The following LARS1 variants were observed in gnomAD, a reference collection of about 807,000 sequenced individuals.
The protein encoded by LARS1 is leucine--tRNA ligase, cytoplasmic.
A neutral mutation model predicts 162.8 loss-of-function variants in LARS1; 100 were observed. The observed-to-expected ratio is 0.61, with a 90% CI of 0.52 to 0.73. The LOEUF is 0.73. Ranked by LOEUF, LARS1 falls within the 30% of genes least tolerant of loss-of-function variation. LARS1 has a pLI of 0.00. For missense variants in LARS1, 1,258 were observed against 1,408.9 expected (o/e 0.89, Z 1.71); for synonymous variants, 457 against 462.8 (o/e 0.99, Z 0.16).
At chr5:146,171,873 TAA>T in intron 4 of LARS1, 35 bp downstream of exon 4, 3 of 1,510,226 alleles carry the variant, frequency 2.0e-6, no homozygotes, top group Admixed American at 3.6e-5. Flanking sequence ...TTGCTCCAAC[TAA>T]AAAGAGTAGA....
At chr5:146,176,705 T>G (rs561293168) in intron 2 of LARS1, among the ~76,000 whole-genome samples, 2 of 152,306 alleles carry the variant, frequency 1.3e-5, no homozygotes, top group South Asian at 4.1e-4. Context: ...ATTTTGTTTT[T>G]GTTTTTCCCA....
intron 21 of LARS1, chr5:146,137,661 C>T (rs898365367): frequency 5.4e-6 from 1 of 184,644 alleles, no homozygotes; most frequent in Non-Finnish European, 1.1e-5. Context: ...CAAAAAGCAC[C>T]GAGTCATTTT....
Position 146,153,913 on chromosome 5 carries a change from A to G in LARS1, c.1133T>C (p.Leu378Pro). Reference protein sequence around the residue: ...SYKVIYVLPMLTIKEDKGTGV... With the variant: ...SYKVIYVLPMPTIKEDKGTGV... ...TTTACCTTTATCCTCCTTAATAGTT[A>G]GCATTGGGAGAACATAGATCACCTT... The change falls in exon 11 of 32, where the codon CTA becomes CCA. Residue 378 changes from leucine (L) to proline (P), a missense_variant. By Grantham distance (98) the Leu-to-Pro change is moderately conservative. Coordinates refer to ENST00000394434, the MANE Select transcript of LARS1 (RefSeq NM_020117.11). The G allele has an allele frequency of 1.2e-6, 2 of 1,611,774 alleles. No individual in the cohort carries two copies. The highest frequency in any genetic ancestry group is 1.7e-6 in the Non-Finnish European group (2 of 1,178,604).
At position 146,114,022 on chromosome 5, in the gene LARS1, T is replaced by G. The variant is rs1044791209; in HGVS notation, c.*84A>C. On this transcript the variant is annotated 3_prime_UTR_variant, in exon 32 of 32. Transcript: ENST00000394434. ...GAAATCAATCTATTTAGGTCCAGCCTAAGGTTCTGATAGCCAATCAGTAGA... is the reference window on the plus strand; with the variant it reads ...GAAATCAATCTATTTAGGTCCAGCCGAAGGTTCTGATAGCCAATCAGTAGA... 1.4e-5 allele frequency: 14 copies of G among 1,017,306 alleles called. No individual in the cohort carries two copies. Among genetic ancestry groups the G allele is most frequent in the Non-Finnish European group, 2.2e-5 (14 of 643,790 alleles). The allele number at this position is 1,017,306 out of a possible 1,614,324, so 63.0% of individuals were successfully genotyped here.
intron 2 of LARS1, among the ~76,000 whole-genome samples, chr5:146,176,885 C>T (rs570049619): frequency 6.6e-6 from 1 of 152,072 alleles, no homozygotes; most frequent in East Asian, 1.9e-4. Context: ...AGATAATAAT[C>T]GTCTATGAGT....
chr5:146,172,254 A>G (rs958316105), intron 3 of LARS1, among the ~76,000 whole-genome samples: 2 of 152,218 alleles, frequency 1.3e-5, no homozygotes, highest in Non-Finnish European at 2.9e-5. Flanking sequence ...ACGGTGGCTC[A>G]TGCCTATAAT....
intron 4 of LARS1, 46 bp from the exon 5 acceptor site, chr5:146,168,311 A>G (rs773069849): frequency 3.8e-6 from 6 of 1,558,484 alleles, no homozygotes; most frequent in Non-Finnish European, 5.2e-6. Flanking sequence ...CAAGGTAGAC[A>G]CAATTTCAGT....
chr5:146,154,584 C>A (rs1414430479), intron 10 of LARS1, among the ~76,000 whole-genome samples: 2 of 152,046 alleles, frequency 1.3e-5, no homozygotes, highest in Non-Finnish European at 1.5e-5. Flanking sequence ...TCGCGACCAG[C>A]CTGGGCAACA....
chr5:146,139,453 T>A (rs1752664516), intron 21 of LARS1, among the ~76,000 whole-genome samples: 1 of 152,066 alleles, frequency 6.6e-6, no homozygotes, highest in South Asian at 2.1e-4. Flanking sequence ...TCTTTTTCTC[T>A]CTTTACTTCA....
intron 15 of LARS1, among the ~76,000 whole-genome samples, chr5:146,147,100 C>T (rs1045638175): frequency 9.2e-5 from 14 of 152,184 alleles, no homozygotes; most frequent in South Asian, 2.1e-4. Context: ...ACTTAACAAC[C>T]GGGAGTCGCC....
chr5:146,159,757 A>C (rs1753694663), intron 7 of LARS1, among the ~76,000 whole-genome samples: 1 of 152,050 alleles, frequency 6.6e-6, no homozygotes, highest in African/African-American at 2.4e-5. Context: ...AACAAATGAA[A>C]CTATCAGGAA....
Position 146,174,525 on chromosome 5 carries a change from T to TATGTATATATCC in LARS1, c.126-1752_126-1751insGGATATATACAT, listed in dbSNP as rs1307080427. ...CCATATATATATATATATATCCATATATATATATATATCCATATATGTATA... is the reference window on the plus strand; with the variant it reads ...CCATATATATATATATATATCCATATATGTATATATCCATATATATATATCCATATATGTATA... On this transcript the variant is annotated intron_variant, in intron 2 of 31. Transcript: ENST00000394434. 7.4e-4 allele frequency among the ~76,000 whole-genome samples: 82 copies of TATGTATATATCC among 110,558 alleles called. 1 individual carries two copies. Among genetic ancestry groups the TATGTATATATCC allele is most frequent in the African/African-American group, 2.3e-3 (79 of 34,380 alleles). 72.5% of individuals were successfully genotyped at this position (110,558 alleles called of 152,430 possible).
chr5:146,159,325 T>A lies in LARS1; in HGVS notation c.771+82A>T. 2.7e-6 allele frequency: 3 copies of A among 1,127,592 alleles called. No homozygotes were observed. The South Asian group carries it at 4.0e-5, about 15-fold the overall frequency. The allele number at this position is 1,127,592 out of a possible 1,614,324, so 69.8% of individuals were successfully genotyped here. ...TACATCCCTCAGCACTACAAAGAAG[T>A]TATTTTTAGGTTTCTATTTCTTAAA... On this transcript the variant is annotated intron_variant, in intron 8 of 31. Transcript: ENST00000394434.
intron 27 of LARS1, 137 bp downstream of exon 27, chr5:146,128,535 G>A (rs909382734): frequency 6.6e-5 from 30 of 454,132 alleles, no homozygotes; most frequent in Non-Finnish European, 1.2e-4. Context: ...AATAACAAAA[G>A]GATGCTGTCT....
intron 25 of LARS1, among the ~76,000 whole-genome samples, chr5:146,129,489 G>T (rs1365113747): frequency 6.6e-6 from 1 of 151,994 alleles, no homozygotes; most frequent in Admixed American, 6.6e-5. Context: ...ACGGTTATTT[G>T]GTATATAGAT....
intron 31 of LARS1, among the ~76,000 whole-genome samples, chr5:146,119,894 T>C (rs1438833186): frequency 6.6e-6 from 1 of 152,074 alleles, no homozygotes; most frequent in Non-Finnish European, 1.5e-5. Context: ...AAAAGGGAAA[T>C]AATAAGAATA....
chr5:146,177,652 G>C lies in LARS1; in HGVS notation c.20C>G (p.Thr7Arg). ...CTTCTTCAAAAAGTCCACTTTGGCT[G>C]TTCCTTTTCTTTCCTATTGGACACA... MAERKG[T>R]AKVDFLKKIE... The change falls in exon 2 of 32, where the codon ACA becomes AGA. Residue 7 changes from threonine (T) to arginine (R), a missense_variant. Coordinates refer to ENST00000394434, the MANE Select transcript of LARS1 (RefSeq NM_020117.11). 1 of 1,584,856 alleles carries C rather than the reference G, an allele frequency of 6.3e-7. No homozygotes were observed. Among genetic ancestry groups the C allele is most frequent in the Middle Eastern group, 1.7e-4 (1 of 5,962 alleles).
At chr5:146,164,548 ATG>A in intron 5 of LARS1, 77 bp from the exon 6 acceptor site, 1 of 1,387,956 alleles carries the variant, frequency 7.2e-7, no homozygotes, top group Non-Finnish European at 1.0e-6. Flanking sequence ...ATATTAATGA[ATG>A]TAATTTTTTT....
Position 146,114,119 on chromosome 5 carries a change from T to G in LARS1, c.3518A>C (p.Tyr1173Ser). 6.2e-7 allele frequency: 1 copy of G among 1,612,432 alleles called. No homozygotes were observed. Among genetic ancestry groups the G allele is most frequent in the Non-Finnish European group, 8.5e-7 (1 of 1,178,992 alleles). ...ATGTGCATGAGTTTAATGAACCAGA[T>G]AGATTATTGTATCGCCAATATCCAC... The part of the protein sequence containing the change: ...IRVDIGDTII[Y>S]LVH The change falls in exon 32 of 32, where the codon TAT becomes TCT. Residue 1173 changes from tyrosine to serine, a missense_variant. Tyr to Ser is a moderately radical substitution (Grantham distance 144). Coordinates refer to ENST00000394434, the MANE Select transcript of LARS1 (RefSeq NM_020117.11).
Sources: gnomAD v4.1 joint callset for allele counts (sites outside exome capture counted in the v4.1 genomes callset) on GRCh38, gnomAD v4.1.1 for gene constraint, MANE v1.5 for transcripts, NCBI Gene and HGNC (gene_info 2026-07-23, HGNC 2026-07-21) for gene names.